The following RCAN2 variants were observed in gnomAD, a reference collection of about 807,000 sequenced individuals.
The protein encoded by RCAN2 is calcipressin-2.
In RCAN2, 9 loss-of-function variants were observed where a neutral mutation model predicts 23.6. The ratio of observed to expected loss-of-function variants is 0.38; its 90% confidence interval spans 0.23 to 0.67. The LOEUF is 0.67. Ranked by LOEUF, RCAN2 falls within the 30% of genes least tolerant of loss-of-function variation. The probability of loss-of-function intolerance (pLI) is 0.51; values close to 1 mark genes in which losing one functional copy is unlikely to be tolerated. For missense variants in RCAN2, 273 were observed against 302.3 expected (o/e 0.90, Z 0.72); for synonymous variants, 109 against 115.7 (o/e 0.94, Z 0.37).
intron 2 of RCAN2, among the ~76,000 whole-genome samples, chr6:46,296,714 T>C (rs903495278): frequency 9.9e-5 from 15 of 152,246 alleles, no homozygotes; most frequent in African/African-American, 3.6e-4. Context: ...TACATACATA[T>C]TTCTTGAACA....
chr6:46,244,352 C>G (rs72861648), intron 4 of RCAN2, among the ~76,000 whole-genome samples: 8,904 of 151,946 alleles, frequency 0.059, 432 homozygotes, highest in Non-Finnish European at 0.078. Flanking sequence ...GCTCTGTGAG[C>G]GTCCCTTCCG....
chr6:46,355,079 T>C (rs1041854493), intron 2 of RCAN2, among the ~76,000 whole-genome samples: 1 of 152,218 alleles, frequency 6.6e-6, no homozygotes, highest in Non-Finnish European at 1.5e-5. Context: ...AAAGCCTTCA[T>C]CAATCACTCA....
At chr6:46,224,435 ATC>A (rs1348447439) in intron 4 of RCAN2, among the ~76,000 whole-genome samples, 2 of 152,148 alleles carry the variant, frequency 1.3e-5, no homozygotes, top group Non-Finnish European at 2.9e-5. Flanking sequence ...ACCCTGCGTA[ATC>A]TCTCACCAAT....
intron 2 of RCAN2, among the ~76,000 whole-genome samples, chr6:46,348,289 A>T (rs1200851759): frequency 6.6e-6 from 1 of 152,218 alleles, no homozygotes; most frequent in African/African-American, 2.4e-5. Context: ...AGCATGTCAG[A>T]TCACAACCTC....
chr6:46,229,035 G>C (rs1765780573), intron 4 of RCAN2, among the ~76,000 whole-genome samples: 1 of 152,132 alleles, frequency 6.6e-6, no homozygotes, highest in South Asian at 2.1e-4. Flanking sequence ...ATGAAGCTTA[G>C]TTTGGCTGGA....
Position 46,242,873 on chromosome 6 carries a change from G to A in RCAN2, c.571+3875C>T, listed in dbSNP as rs1037873599. Among the ~76,000 whole-genome samples, 30 of 152,172 alleles carry A rather than the reference G, an allele frequency of 2.0e-4. 2 individuals are homozygous for A. Among genetic ancestry groups the A allele is most frequent in the Admixed American group, 1.3e-3 (20 of 15,280 alleles). ...GCTAATAGCTCTGGTCTATTCCTTC[G>A]TTCATTCACACATTCATTCCTCCAA... On this transcript the variant is annotated intron_variant, in intron 4 of 4. Coordinates refer to ENST00000371374, the MANE Select transcript of RCAN2 (RefSeq NM_001251974.2).
chr6:46,291,233 A>G (rs754182633), intron 2 of RCAN2, among the ~76,000 whole-genome samples: 1 of 151,982 alleles, frequency 6.6e-6, no homozygotes, highest in African/African-American at 2.4e-5. Context: ...GGGGAAAAAA[A>G]GCTGAATCCA....
intron 2 of RCAN2, among the ~76,000 whole-genome samples, chr6:46,338,824 C>T (rs1764217572): frequency 6.6e-6 from 1 of 151,778 alleles, no homozygotes; most frequent in Non-Finnish European, 1.5e-5. Context: ...GCCAGTCTGG[C>T]CAAAGTGGTG....
intron 1 of RCAN2, among the ~76,000 whole-genome samples, chr6:46,489,911 T>C (rs1769094969): frequency 6.6e-6 from 1 of 152,218 alleles, no homozygotes; most frequent in Non-Finnish European, 1.5e-5. Flanking sequence ...AGAAAATCAA[T>C]GACTACACTG....
chr6:46,305,205 C>G (rs1332646101), intron 2 of RCAN2, among the ~76,000 whole-genome samples: 1 of 152,122 alleles, frequency 6.6e-6, no homozygotes, highest in African/African-American at 2.4e-5. Flanking sequence ...ACTTGGTAGT[C>G]AATGCATGGA....
intron 1 of RCAN2, among the ~76,000 whole-genome samples, chr6:46,459,741 C>A (rs1217384278): frequency 6.6e-6 from 1 of 152,154 alleles, no homozygotes; most frequent in Non-Finnish European, 1.5e-5. Flanking sequence ...CATTGAACTG[C>A]CTCCTTCTGC....
At chr6:46,334,261 T>C (rs927552845) in intron 2 of RCAN2, among the ~76,000 whole-genome samples, 6 of 152,140 alleles carry the variant, frequency 3.9e-5, no homozygotes, top group Non-Finnish European at 1.5e-5. Context: ...GTTATCTCCC[T>C]CCCTCCATGG....
rs1766923878 is a variant in RCAN2, at chr6:46,422,971, A to G, written c.225+33781T>C. ...ATAACCAACTTCTTGTCAAGTATGC[A>G]TTACTTTAGGACCAGACAGACTTAT... On this transcript the variant is annotated intron_variant, in intron 2 of 4. Transcript: ENST00000371374. Among the ~76,000 whole-genome samples, 4 of 152,168 alleles carry G rather than the reference A, an allele frequency of 2.6e-5. No individual in the cohort carries two copies. The South Asian group carries it at 6.2e-4, about 24-fold the overall frequency.
At chr6:46,418,699 A>G (rs1199068242) in intron 2 of RCAN2, among the ~76,000 whole-genome samples, 732 of 36,794 alleles carry the variant, frequency 0.02, 2 homozygotes, top group East Asian at 0.025. Flanking sequence ...GTGTGTGTAT[A>G]TATATATATA....
At chr6:46,425,505 T>G (rs779648462) in intron 2 of RCAN2, among the ~76,000 whole-genome samples, 1 of 152,204 alleles carries the variant, frequency 6.6e-6, no homozygotes, top group Non-Finnish European at 1.5e-5. Flanking sequence ...AGACTATACT[T>G]TGGTAACTGT....
chr6:46,489,315 C>A (rs979967043), intron 1 of RCAN2, among the ~76,000 whole-genome samples: 7 of 152,222 alleles, frequency 4.6e-5, no homozygotes, highest in African/African-American at 1.4e-4. Context: ...GATGTTGAAT[C>A]ATTACCATTT....
At position 46,331,308 on chromosome 6, in the gene RCAN2, G is replaced by GT. The variant is rs931941305; in HGVS notation, c.226-82413dup. Among the ~76,000 whole-genome samples the GT allele has an allele frequency of 3.9e-3, 570 of 146,900 alleles. 2 individuals carry two copies. Among genetic ancestry groups the GT allele is most frequent in the East Asian group, 0.011 (57 of 5,060 alleles). ...TTACAGGCTTGAGACACTGCACTCAGTTTTTTTTTTTCATGATTTACTTCC... is the reference window on the plus strand; with the variant it reads ...TTACAGGCTTGAGACACTGCACTCAGTTTTTTTTTTTTCATGATTTACTTCC... On this transcript the variant is annotated intron_variant, in intron 2 of 4. Coordinates refer to ENST00000371374, the MANE Select transcript of RCAN2 (RefSeq NM_001251974.2).
intron 2 of RCAN2, among the ~76,000 whole-genome samples, chr6:46,365,023 T>G (rs935020025): frequency 2.6e-5 from 4 of 152,174 alleles, no homozygotes; most frequent in African/African-American, 7.2e-5. Flanking sequence ...AAGACTTCCC[T>G]GGCTACCCTT....
intron 2 of RCAN2, among the ~76,000 whole-genome samples, chr6:46,440,889 T>G (rs1372083335): frequency 2.0e-5 from 3 of 152,182 alleles, no homozygotes; most frequent in Non-Finnish European, 4.4e-5. Flanking sequence ...AGAAATAGTT[T>G]CCATGTGGAA....
Sources: allele counts gnomAD v4.1 joint callset (sites outside exome capture counted in the v4.1 genomes callset), GRCh38; gene constraint gnomAD v4.1.1; transcripts MANE v1.5; gene names NCBI Gene and HGNC (gene_info 2026-07-23, HGNC 2026-07-21).